The following TKTL1 variants were observed in gnomAD, a reference collection of about 807,000 sequenced individuals.
TKTL1 encodes the protein transketolase-like protein 1.
A neutral mutation model predicts 39.3 loss-of-function variants in TKTL1; 1 was observed. The ratio of observed to expected loss-of-function variants is 0.03; its 90% CI spans 0.01 to 0.12. The LOEUF (loss-of-function observed/expected upper bound fraction) is 0.12, where lower values mean the gene tolerates loss of function less well. Among genes scored for constraint, TKTL1 ranks in the 10% least tolerant of loss-of-function variants. The probability of loss-of-function intolerance (pLI) is 1.00; values close to 1 mark genes in which losing one functional copy is unlikely to be tolerated. For missense variants in TKTL1, 575 were observed against 509.6 expected (o/e 1.13, Z -1.24); for synonymous variants, 262 against 193.8 (o/e 1.35, Z -2.92).
Position 154,325,688 on chromosome X carries a change from C to G in TKTL1, c.1401+266C>G, listed in dbSNP as rs138395153. Among the ~76,000 whole-genome samples the G allele has an allele frequency of 4.4e-3, 493 of 112,447 alleles. 1 individual carries two copies. In the East Asian group the frequency reaches 0.05, roughly 11 times the overall value. ...AGTAACATGAAGCCACTTGAGCGGT[C>G]GTGGCTATAATTTATCTTGGCCGCA... is the stretch of plus-strand genomic sequence containing the variant. On this transcript the variant is annotated intron_variant, in intron 10 of 12. Coordinates refer to ENST00000369915, the MANE Select transcript of TKTL1 (RefSeq NM_012253.4).
intron 3 of TKTL1, among the ~76,000 whole-genome samples, chrX:154,310,604 C>CCTCT (rs2067349206): frequency 8.9e-6 from 1 of 112,464 alleles, no homozygotes; most frequent in East Asian, 2.8e-4. Flanking sequence ...AGTTGCTTTA[C>CCTCT]AGCTAGAACA....
chrX:154,297,254 T>G (rs781955317), intron 1 of TKTL1, among the ~76,000 whole-genome samples: 1 of 110,623 alleles, frequency 9.0e-6, no homozygotes, highest in Non-Finnish European at 1.9e-5. Flanking sequence ...TTTTTTTTGT[T>G]TTTTTTTTCT....
Position 154,295,938 on chromosome X carries a change from A to G in TKTL1, c.79A>G (p.Met27Val), listed in dbSNP as rs1557164272. The G allele has an allele frequency of 2.5e-6, 3 of 1,211,679 alleles. No homozygotes were observed. The highest frequency in any genetic ancestry group is 2.2e-5 in the Admixed American group (1 of 46,049). Residue 27 changes from methionine (M) to valine (V), a missense_variant, in exon 1 of 13, where the codon ATG becomes GTG. Met to Val is a conservative substitution (Grantham distance 21). Coordinates refer to ENST00000369915, the MANE Select transcript of TKTL1 (RefSeq NM_012253.4). ...DRGTLQVLQD[M>V]ASRLRIHSIR... is the part of the protein sequence containing the mutation. ...GGGCACCTTGCAGGTGTTGCAAGAT[A>G]TGGCCAGCCGCTTGCGAATCCATTC...
intron 1 of TKTL1, among the ~76,000 whole-genome samples, chrX:154,296,286 G>A (rs1229475123): frequency 2.7e-5 from 3 of 111,482 alleles, no homozygotes; most frequent in Non-Finnish European, 3.8e-5. Flanking sequence ...CTCCAGTTGG[G>A]AGACAAAGGA....
chrX:154,311,337 A>G (rs782449588), intron 5 of TKTL1, 99 bp downstream of exon 5: 1,178 of 1,073,631 alleles, frequency 1.1e-3, no homozygotes, highest in Non-Finnish European at 1.4e-3. Context: ...CAGATGACTC[A>G]TTTAGTGAAT....
chrX:154,321,413 A>C (rs1373319444), intron 8 of TKTL1, among the ~76,000 whole-genome samples: 4 of 101,225 alleles, frequency 4.0e-5, no homozygotes, highest in Non-Finnish European at 8.0e-5. Flanking sequence ...TCAGAGTAGT[A>C]GTCACCTGGC....
Position 154,327,649 on chromosome X carries a change from A to G in TKTL1, c.1460A>G (p.Tyr487Cys). 8.3e-7 allele frequency: 1 copy of G among 1,211,483 alleles called. No individual in the cohort carries two copies. The part of the protein sequence containing the change: ...VTVIGAGITV[Y>C]EALAAADELS... The stretch of plus-strand genomic sequence containing the variant: ...GTTATTGGAGCTGGAATTACTGTGT[A>G]TGAAGCCTTAGCAGCTGCTGATGAG... The change falls in exon 11 of 13, where the codon TAT (tyrosine) becomes TGT (cysteine). Residue 487 changes from tyrosine (Y) to cysteine (C), a missense_variant. Transcript: ENST00000369915.
rs782279693 is a variant in TKTL1 at position 154,315,223 on chromosome X, G to A, written c.915G>A (p.Ala305=). ...TGGCTCTGGCTAAGCTGGGCTACGC[G>A]AACAACAGAGTCGTTGTGCTGGATG... The part of the protein sequence containing the change: ...CGLALAKLGY[A]NNRVVVLDGD... Residue 305 remains alanine, a synonymous_variant, in exon 7 of 13, where the codon GCG becomes GCA. Transcript: ENST00000369915. 7.4e-6 allele frequency: 9 copies of A among 1,209,504 alleles called. No individual in the cohort carries two copies. Among genetic ancestry groups the A allele is most frequent in the African/African-American group, 5.3e-5 (3 of 57,071 alleles).
At chrX:154,322,882 G>A (rs1557171167) in intron 8 of TKTL1, among the ~76,000 whole-genome samples, 2 of 111,837 alleles carry the variant, frequency 1.8e-5, no homozygotes, top group Admixed American at 9.5e-5. Flanking sequence ...AAGAGAACGG[G>A]TTCAGAGACT....
At chrX:154,298,769 T>C (rs1235122135) in intron 1 of TKTL1, among the ~76,000 whole-genome samples, 1 of 112,102 alleles carries the variant, frequency 8.9e-6, no homozygotes, top group East Asian at 2.8e-4. Context: ...TTTGATCTTT[T>C]TTATTTCCTT....
rs1557164245 is a variant in TKTL1 at position 154,295,915 on chromosome X, G to A, written c.56G>A (p.Gly19Asp). Reference protein sequence around the residue: ...EFPEEARPDRGTLQVLQDMAS... With the variant: ...EFPEEARPDRDTLQVLQDMAS... ...CCGGAGGAGGCCAGACCTGACAGGG[G>A]CACCTTGCAGGTGTTGCAAGATATG... Residue 19 changes from glycine (G) to aspartate (D), a missense_variant, in exon 1 of 13, where the codon GGC becomes GAC. Gly to Asp is a moderately conservative substitution (Grantham distance 94, BLOSUM62 -1). Coordinates refer to ENST00000369915, the MANE Select transcript of TKTL1 (RefSeq NM_012253.4). The A allele has an allele frequency of 2.5e-6, 3 of 1,210,054 alleles. No individual in the cohort carries two copies. Among genetic ancestry groups the A allele is most frequent in the African/African-American group, 1.7e-5 (1 of 57,332 alleles).
intron 7 of TKTL1, 123 bp from the exon 8 acceptor site, chrX:154,320,634 C>T (rs7054539): frequency 1.5e-5 from 11 of 711,623 alleles, no homozygotes; most frequent in African/African-American, 1.5e-4. Context: ...GTGGGAAGGA[C>T]GCATGCTAGA....
At chrX:154,322,596 G>C (rs1372334942) in intron 8 of TKTL1, among the ~76,000 whole-genome samples, 1 of 111,456 alleles carries the variant, frequency 9.0e-6, no homozygotes, top group African/African-American at 3.3e-5. Flanking sequence ...GTGGTCCTAG[G>C]CAAGGCAGTG....
chrX:154,311,082 T>C lies in TKTL1; in HGVS notation c.543-29T>C, dbSNP rs782728904. The C allele has an allele frequency of 1.4e-5, 17 of 1,209,666 alleles. No homozygotes were observed. The Admixed American group carries it at 2.6e-4, about 19-fold the overall frequency. ...ATTCTGTCCTGCCCCCTTCATCTCT[T>C]GTAACCCAGCCTGCTCCTCTGTTGG... On this transcript the variant is annotated intron_variant, in intron 4 of 12. Coordinates refer to ENST00000369915, the MANE Select transcript of TKTL1 (RefSeq NM_012253.4).
chrX:154,327,858 C>G lies in TKTL1; in HGVS notation c.1518C>G (p.Ile506Met), dbSNP rs782641231. 1.7e-6 allele frequency: 2 copies of G among 1,211,721 alleles called. No homozygotes were observed. The highest frequency in any genetic ancestry group is 2.2e-6 in the Non-Finnish European group (2 of 895,409). Residue 506 changes from isoleucine to methionine, a missense_variant, in exon 12 of 13, where the codon ATC becomes ATG. Ile to Met is a conservative substitution (Grantham distance 10). Transcript: ENST00000369915. ...CTGCAGATATTTTTATCCGTGTCAT[C>G]GACCTGTTTACCATTAAACCTCTGG... ...LSKQDIFIRVIDLFTIKPLDV... is the reference protein window; with the variant it reads ...LSKQDIFIRVMDLFTIKPLDV...
chrX:154,307,870 C>T (rs781885941), intron 2 of TKTL1, among the ~76,000 whole-genome samples: 1 of 111,808 alleles, frequency 8.9e-6, no homozygotes, highest in Non-Finnish European at 1.9e-5. Flanking sequence ...TTGAGTGGGG[C>T]AGTTCTGCTG....
chrX:154,307,944 G>A (rs1250757201), intron 2 of TKTL1, among the ~76,000 whole-genome samples: 2 of 111,794 alleles, frequency 1.8e-5, no homozygotes, highest in Non-Finnish European at 3.8e-5. Flanking sequence ...GAATTCCGGG[G>A]AAGGTCAAGA....
chrX:154,328,246 TGA>T (rs1415585678), intron 12 of TKTL1, among the ~76,000 whole-genome samples: 10 of 110,125 alleles, frequency 9.1e-5, no homozygotes, highest in Admixed American at 8.7e-4. Context: ...TTTGGAATGA[TGA>T]ATAGTATGCC....
At chrX:154,309,087 T>G (rs1241330455) in intron 2 of TKTL1, among the ~76,000 whole-genome samples, 3 of 111,303 alleles carry the variant, frequency 2.7e-5, no homozygotes, top group Non-Finnish European at 5.7e-5. Flanking sequence ...ACAGTGGATG[T>G]CTTCGTCACC....
Sources: gnomAD v4.1 joint callset for allele counts (sites outside exome capture counted in the v4.1 genomes callset) on GRCh38, gnomAD v4.1.1 for gene constraint, MANE v1.5 for transcripts, NCBI Gene and HGNC (gene_info 2026-07-23, HGNC 2026-07-21) for gene names.